Variants in ZNF44 observed in about 807,000 individuals in gnomAD.
The protein encoded by ZNF44 is zinc finger protein 44, also known as gonadotropin inducible transcription repressor-2.
A neutral mutation model predicts 11.7 loss-of-function variants in ZNF44; 9 were observed. The observed-to-expected ratio is 0.77, with a 90% CI of 0.46 to 1.35. ZNF44 has a LOEUF of 1.35. Among genes scored for constraint, ZNF44 ranks in the 40% most tolerant of loss-of-function variants. The probability of loss-of-function intolerance (pLI) is 0.00; values close to 1 mark genes in which losing one functional copy is unlikely to be tolerated. For missense variants in ZNF44, 696 were observed against 743.1 expected (o/e 0.94, Z 0.74); for synonymous variants, 224 against 242.7 (o/e 0.92, Z 0.72).
chr19:12,290,596 A>G (rs893082775), intron 1 of ZNF44, among the ~76,000 whole-genome samples: 1 of 151,980 alleles, frequency 6.6e-6, no homozygotes, highest in Non-Finnish European at 1.5e-5. Flanking sequence ...GCTACTGAAG[A>G]GGCTGAGGCA....
At chr19:12,280,097 T>C (rs1297460500) in intron 1 of ZNF44, among the ~76,000 whole-genome samples, 1 of 152,128 alleles carries the variant, frequency 6.6e-6, no homozygotes, top group Non-Finnish European at 1.5e-5. Context: ...TGCACAGCTG[T>C]AATCCCAGCT....
chr19:12,253,221 G>T (rs1332783679), intron 5 of ZNF44, among the ~76,000 whole-genome samples: 5 of 124,080 alleles, frequency 4.0e-5, no homozygotes, highest in African/African-American at 1.6e-4. Context: ...ACAGAATTGT[G>T]CTCTGTTGCC....
chr19:12,244,896 A>G (rs75417344), downstream of ZNF44, among the ~76,000 whole-genome samples: 56 of 152,330 alleles, frequency 3.7e-4, no homozygotes, highest in African/African-American at 6.3e-4. Context: ...CACAAATCCT[A>G]TAAGAAGTCC....
intron 1 of ZNF44, chr19:12,276,289 T>A: frequency 1.5e-6 from 1 of 669,314 alleles, no homozygotes; most frequent in Non-Finnish European, 2.5e-6. Flanking sequence ...AACAGTTGAG[T>A]AGGAACATAT....
chr19:12,262,100 G>A (rs570800573), intron 5 of ZNF44, among the ~76,000 whole-genome samples: 1 of 152,066 alleles, frequency 6.6e-6, no homozygotes, highest in South Asian at 2.1e-4. Context: ...CCAGAGGGCA[G>A]TGCTTTCAGG....
intron 1 of ZNF44, among the ~76,000 whole-genome samples, chr19:12,283,486 G>A (rs150169568): frequency 1.7e-3 from 254 of 152,020 alleles, no homozygotes; most frequent in African/African-American, 5.8e-3. Flanking sequence ...CCACCACCAC[G>A]CCTGGCTAAT....
chr19:12,251,097 C>CGAG (rs1200195751), intron 5 of ZNF44, among the ~76,000 whole-genome samples: 1 of 151,758 alleles, frequency 6.6e-6, no homozygotes, highest in Non-Finnish European at 1.5e-5. Flanking sequence ...TTTGGGAGAC[C>CGAG]GAGGAGGGTG....
chr19:12,284,811 T>C (rs1599543472), intron 1 of ZNF44: 2 of 1,194,924 alleles, frequency 1.7e-6, no homozygotes, highest in Non-Finnish European at 1.2e-6. Flanking sequence ...CAGAGGCTAC[T>C]GGGGGAACAA....
intron 7 of ZNF44, among the ~76,000 whole-genome samples, chr19:12,248,957 G>A (rs951072572): frequency 1.3e-5 from 2 of 150,974 alleles, no homozygotes; most frequent in Admixed American, 6.6e-5. Flanking sequence ...CTGTCGCCCA[G>A]GCTGGAGTGC....
chr19:12,247,310 T>C, downstream of ZNF44: 1 of 1,274,456 alleles, frequency 7.8e-7, no homozygotes. Flanking sequence ...CATGGTATTG[T>C]AAGGATGCAC....
intron 5 of ZNF44, among the ~76,000 whole-genome samples, chr19:12,259,218 A>AATGACTT (rs535851283): frequency 5.6e-4 from 85 of 152,270 alleles, no homozygotes; most frequent in African/African-American, 2.0e-3. Flanking sequence ...TACAACCAAG[A>AATGACTT]ATGACTTAGC....
intron 2 of ZNF44, among the ~76,000 whole-genome samples, chr19:12,233,743 C>T (rs1916259925): frequency 6.6e-6 from 1 of 152,090 alleles, no homozygotes; most frequent in South Asian, 2.1e-4. Context: ...CTTTCACAAT[C>T]TTTCTAATGT....
chr19:12,262,328 T>C (rs1368972254), intron 5 of ZNF44, among the ~76,000 whole-genome samples: 8 of 152,154 alleles, frequency 5.3e-5, no homozygotes, highest in Non-Finnish European at 1.2e-4. Context: ...TGGAGTGCAA[T>C]GGTGTGACCT....
downstream of ZNF44, among the ~76,000 whole-genome samples, chr19:12,245,662 T>G (rs749209120): frequency 6.6e-6 from 1 of 152,206 alleles, no homozygotes. Flanking sequence ...TAGATCTTGT[T>G]TGAATATAAT....
At chr19:12,244,311 C>T (rs572484122), downstream of ZNF44, among the ~76,000 whole-genome samples, 2 of 152,332 alleles carry the variant, frequency 1.3e-5, no homozygotes, top group Non-Finnish European at 2.9e-5. Flanking sequence ...GCCTCCTAAA[C>T]TTATGAGTGT....
rs1001572794 is a variant in ZNF44, at chr19:12,289,309, AAAAC to A, written c.3+5379_3+5382del. Among the ~76,000 whole-genome samples, 27 of 152,222 alleles carry A rather than the reference AAAAC, an allele frequency of 1.8e-4. No homozygotes were observed. In the South Asian group the frequency reaches 3.1e-3, roughly 18 times the overall value. On this transcript the variant is annotated intron_variant, in intron 1 of 3. Transcript: ENST00000355684. ...AGCAAGAGTGAAATTGTGTCTCAAA[AAAAC>A]AAACAAACAAAAAAACAGAAAAGAA...
At chr19:12,225,716 T>A (rs181357536), downstream of ZNF44, among the ~76,000 whole-genome samples, 3 of 152,332 alleles carry the variant, frequency 2.0e-5, no homozygotes, top group East Asian at 5.8e-4. Flanking sequence ...GTAAATAATT[T>A]CCATTAAAAA....
rs545513595 is a variant in ZNF44, at chr19:12,251,492, T to C, written c.1913-1124A>G. ...CCAGAGAAGTGTTCATTTTCACTAT[T>C]TGTGTTAATATTTATCAGAGACTTA... is the stretch of plus-strand genomic sequence containing the variant. On this transcript the variant is annotated intron_variant and NMD_transcript_variant, in intron 5 of 7. Coordinates refer to the ZNF44 transcript ENST00000393337. Among the ~76,000 whole-genome samples the C allele has an allele frequency of 2.0e-5, 3 of 152,118 alleles. No individual in the cohort carries two copies. In the East Asian group the frequency reaches 5.8e-4, roughly 29 times the overall value.
chr19:12,258,234 G>A (rs1599507870), intron 5 of ZNF44, among the ~76,000 whole-genome samples: 2 of 144,390 alleles, frequency 1.4e-5, no homozygotes, highest in East Asian at 4.1e-4. Flanking sequence ...TCAGGAAGCT[G>A]ATGCAGGAGG....
Sources: gnomAD v4.1 joint callset for allele counts (sites outside exome capture counted in the v4.1 genomes callset) on GRCh38, gnomAD v4.1.1 for gene constraint, MANE v1.5 for transcripts, NCBI Gene and HGNC (gene_info 2026-07-23, HGNC 2026-07-21) for gene names.